Variants in EPB41L1 observed in about 807,000 individuals in gnomAD.
The protein encoded by EPB41L1 is band 4.1-like protein 1.
EPB41L1 carries 29 observed loss-of-function variants against 97.8 expected under a neutral mutation model. The observed-to-expected ratio is 0.30, with a 90% confidence interval of 0.22 to 0.40. The LOEUF (loss-of-function observed/expected upper bound fraction) is 0.40, where lower values mean the gene tolerates loss of function less well. Ranked by LOEUF, EPB41L1 falls within the 10% of genes least tolerant of loss-of-function variation. The pLI is 1.00. For synonymous variants in EPB41L1, 383 were observed against 459.2 expected (o/e 0.83, Z 2.12); for missense variants, 812 against 1,162.3 (o/e 0.70, Z 4.38).
rs563684768 is a variant in EPB41L1, at chr20:36,178,026, C to T, written c.417C>T (p.Gly139=). 45 of 1,614,138 alleles carry T rather than the reference C, an allele frequency of 2.8e-5. No homozygotes were observed. In the South Asian group the frequency reaches 4.0e-4, roughly 14 times the overall value. The change falls in exon 4 of 22, where the codon GGC becomes GGT. Residue 139 remains glycine, a synonymous_variant. Transcript: ENST00000338074. Reference sequence around the variant, plus strand: ...ACCTCCTAGAGAAGGACTACTTCGGCCTGACCTTCTGTGATGCTGACAGCC... The same window carrying T: ...ACCTCCTAGAGAAGGACTACTTCGGTCTGACCTTCTGTGATGCTGACAGCC... The part of the protein sequence containing the change: ...HLNLLEKDYF[G]LTFCDADSQK...
upstream of EPB41L1, among the ~76,000 whole-genome samples, chr20:36,153,572 G>A (rs1444286470): frequency 6.6e-6 from 1 of 152,186 alleles, no homozygotes; most frequent in East Asian, 1.9e-4. Context: ...GGTTGCAGTG[G>A]ACCCATGGAC....
At chr20:36,133,772 G>A (rs1272661247) in intron 2 of EPB41L1, among the ~76,000 whole-genome samples, 2 of 151,098 alleles carry the variant, frequency 1.3e-5, no homozygotes, top group East Asian at 1.9e-4. Flanking sequence ...CGGGAGGATC[G>A]CTTGAGCCTA....
chr20:36,223,076 T>G (rs2063885862), intron 21 of EPB41L1, among the ~76,000 whole-genome samples: 1 of 152,218 alleles, frequency 6.6e-6, no homozygotes, highest in Non-Finnish European at 1.5e-5. Context: ...TTTTGTATTT[T>G]TAGTAAAGAC....
intron 16 of EPB41L1, among the ~76,000 whole-genome samples, chr20:36,213,414 A>G (rs2063254407): frequency 6.6e-6 from 1 of 152,062 alleles, no homozygotes; most frequent in African/African-American, 2.4e-5. Context: ...GAAAGAGAAA[A>G]CTGAAATAAG....
intron 2 of EPB41L1, among the ~76,000 whole-genome samples, chr20:36,143,137 TTGTGTGTGTGTGTG>T (rs59256378): frequency 0.047 from 6,149 of 130,806 alleles, 450 homozygotes; most frequent in African/African-American, 0.16. Flanking sequence ...GAGGGTGTGT[TTGTGTGTGTGTGTG>T]TGTGTGTGTG....
chr20:36,147,290 G>A (rs150664768), intron 2 of EPB41L1, among the ~76,000 whole-genome samples: 1 of 152,180 alleles, frequency 6.6e-6, no homozygotes, highest in Admixed American at 6.5e-5. Flanking sequence ...ATTAAAAAAA[G>A]GAAACTTTAT....
chr20:36,153,358 G>A (rs2060134154), upstream of EPB41L1, among the ~76,000 whole-genome samples: 1 of 151,998 alleles, frequency 6.6e-6, no homozygotes, highest in African/African-American at 2.4e-5. Flanking sequence ...GATACTGAGG[G>A]AATCGCATCA....
rs572732874 is a variant in EPB41L1, at chr20:36,207,576, G to A, written c.1669-1912G>A. 2.0e-5 allele frequency: 26 copies of A among 1,289,910 alleles called. No homozygotes were observed. The East Asian group carries it at 9.4e-4, about 47-fold the overall frequency. The allele number at this position is 1,289,910 out of a possible 1,614,324, so 79.9% of individuals were successfully genotyped here. A position where few individuals can be genotyped will look rare whatever the true frequency, so the allele number is the denominator to read the frequency against. Reference sequence around the variant, plus strand: ...GACAAGCAGAGCAGCAGCGGAGTACGCTCTCAGACCTGGGCTTCGCCCAAC... The same window carrying A: ...GACAAGCAGAGCAGCAGCGGAGTACACTCTCAGACCTGGGCTTCGCCCAAC... On this transcript the variant is annotated intron_variant, in intron 14 of 21. Transcript: ENST00000338074. This position sits in a 1 kb window ranked among gnomAD's most constrained non-coding sequence, Gnocchi z 4.9.
intron 11 of EPB41L1, among the ~76,000 whole-genome samples, chr20:36,191,114 C>T (rs2061928828): frequency 6.6e-6 from 1 of 151,404 alleles, no homozygotes; most frequent in South Asian, 2.1e-4. Context: ...TAGCAATCCA[C>T]CAGTCTAACC....
In EPB41L1 at chr20:36,206,525, T is replaced by C. The variant is rs1341913894; in HGVS notation, c.1669-2963T>C. 2 of 1,289,662 alleles carry C rather than the reference T, an allele frequency of 1.6e-6. No individual in the cohort carries two copies. The highest frequency in any genetic ancestry group is 1.2e-5 in the South Asian group (1 of 81,018). 79.9% of individuals were successfully genotyped at this position (1,289,662 alleles called of 1,614,324 possible). ...GAAGACCAAGTCCTCCCTCCACCCC[T>C]GGAGGAGAGAAAAGGGCGCCTGGAT... On this transcript the variant is annotated intron_variant, in intron 14 of 21. Coordinates refer to ENST00000338074, the MANE Select transcript of EPB41L1 (RefSeq NM_012156.2). This position sits in a 1 kb window ranked among gnomAD's most constrained non-coding sequence, Gnocchi z 5.5.
intron 2 of EPB41L1, among the ~76,000 whole-genome samples, chr20:36,131,495 A>T (rs1370060741): frequency 6.6e-6 from 1 of 151,906 alleles, no homozygotes; most frequent in Admixed American, 6.6e-5. Flanking sequence ...GCATTCATTC[A>T]TCCTAAGGCG....
chr20:36,208,327 A>G (rs1300878417), intron 14 of EPB41L1: 1 of 453,742 alleles, frequency 2.2e-6, no homozygotes, highest in Non-Finnish European at 4.4e-6. Context: ...CGGTCAGGGA[A>G]GAGAAGCGCT....
intron 2 of EPB41L1, among the ~76,000 whole-genome samples, chr20:36,140,460 T>A (rs2059597345): frequency 6.6e-6 from 1 of 152,150 alleles, no homozygotes; most frequent in African/African-American, 2.4e-5. Context: ...GCTAGGTATC[T>A]TCAGGCAAGC....
chr20:36,208,965 G>A (rs1000020348), intron 14 of EPB41L1, among the ~76,000 whole-genome samples: 1 of 152,076 alleles, frequency 6.6e-6, no homozygotes, highest in Non-Finnish European at 1.5e-5. Flanking sequence ...CCCCTCCCCC[G>A]GAGACTCAGT....
chr20:36,117,589 G>C (rs1050247272), intron 2 of EPB41L1, among the ~76,000 whole-genome samples: 1 of 152,194 alleles, frequency 6.6e-6, no homozygotes, highest in Non-Finnish European at 1.5e-5. Flanking sequence ...AGGCAGGAAG[G>C]GTATAATTAT....
rs556952284 is a variant in EPB41L1 at position 36,193,129 on chromosome 20, C to T, written c.1301-1083C>T. On this transcript the variant is annotated intron_variant, in intron 11 of 21. Transcript: ENST00000338074. ...TTACTATGTCAGGAGCCAAATGAAG[C>T]CCAGATTCTGGCAGGCAGCAGAGGT... 6.6e-5 allele frequency among the ~76,000 whole-genome samples: 10 copies of T among 152,244 alleles called. No individual in the cohort carries two copies. The South Asian group carries it at 1.9e-3, about 28-fold the overall frequency.
At chr20:36,165,560 A>C (rs1257177980) in intron 1 of EPB41L1, among the ~76,000 whole-genome samples, 1 of 152,100 alleles carries the variant, frequency 6.6e-6, no homozygotes, top group Non-Finnish European at 1.5e-5. Flanking sequence ...TTAGCTGGGC[A>C]TGGTGGCATG....
intron 4 of EPB41L1, 101 bp downstream of exon 4, chr20:36,178,157 T>G: frequency 3.3e-6 from 3 of 897,116 alleles, no homozygotes; most frequent in Non-Finnish European, 5.5e-6. Flanking sequence ...TCATTAAGCA[T>G]CTTCTGTTTG....
intron 2 of EPB41L1, among the ~76,000 whole-genome samples, chr20:36,141,593 G>C (rs367996234): frequency 2.6e-5 from 4 of 152,182 alleles, no homozygotes; most frequent in African/African-American, 9.7e-5. Flanking sequence ...TTCTAGGAGG[G>C]ACCTTCAATG....
Sources: gnomAD v4.1 joint callset for allele counts (sites outside exome capture counted in the v4.1 genomes callset) on GRCh38, gnomAD v4.1.1 for gene constraint, Gnocchi (gnomAD v3.1) non-coding constraint, MANE v1.5 for transcripts, NCBI Gene and HGNC (gene_info 2026-07-23, HGNC 2026-07-21) for gene names.